Variants in UBE3C observed in about 807,000 individuals in gnomAD.
UBE3C encodes ubiquitin-protein ligase E3C.
In UBE3C, 42 loss-of-function variants were observed where a neutral mutation model predicts 129.4. That is an observed-to-expected ratio of 0.32 (90% CI 0.25 to 0.42). The LOEUF is 0.42. UBE3C is among the 10% of genes least tolerant of loss of function. The pLI is 1.00. For synonymous variants in UBE3C, 510 were observed against 492.4 expected (o/e 1.04, Z -0.47); for missense variants, 1,049 against 1,319.1 (o/e 0.80, Z 3.17).
chr7:157,152,753 G>C (rs530624624), intron 1 of UBE3C, among the ~76,000 whole-genome samples: 1 of 152,210 alleles, frequency 6.6e-6, no homozygotes, highest in East Asian at 1.9e-4. Context: ...TTGTCTTGCC[G>C]GCACATCTTG....
At chr7:157,179,510 T>C (rs1203592999) in intron 6 of UBE3C, among the ~76,000 whole-genome samples, 2 of 152,150 alleles carry the variant, frequency 1.3e-5, no homozygotes, top group East Asian at 1.9e-4. Context: ...AACATGATTT[T>C]TAAAAATTTT....
chr7:157,189,772 T>A (rs1808905444), intron 10 of UBE3C, among the ~76,000 whole-genome samples: 2 of 152,134 alleles, frequency 1.3e-5, no homozygotes, highest in Non-Finnish European at 2.9e-5. Flanking sequence ...TTCTCACTCT[T>A]TCCTAAACTT....
Position 157,184,039 on chromosome 7 carries a change from G to T in UBE3C, c.1143+10G>T. On this transcript the variant is annotated intron_variant, in intron 9 of 22. Transcript: ENST00000348165. ...CAAGCCCTCAAGCCCGGTAAGCCCCGTGCCCTGCATCTGGGGGGCTGCGAT... is the reference window on the plus strand; with the variant it reads ...CAAGCCCTCAAGCCCGGTAAGCCCCTTGCCCTGCATCTGGGGGGCTGCGAT... The T allele has an allele frequency of 6.2e-7, 1 of 1,612,920 alleles. No homozygotes were observed. Among genetic ancestry groups the T allele is most frequent in the Non-Finnish European group, 8.5e-7 (1 of 1,179,222 alleles).
chr7:157,219,931 C>G (rs977508065), intron 14 of UBE3C, among the ~76,000 whole-genome samples: 2 of 151,930 alleles, frequency 1.3e-5, no homozygotes, highest in African/African-American at 4.8e-5. Context: ...CAAGGGCCAG[C>G]CGGGTGTGGT....
intron 1 of UBE3C, among the ~76,000 whole-genome samples, chr7:157,152,340 G>A (rs1475332569): frequency 6.6e-6 from 1 of 152,152 alleles, no homozygotes; most frequent in Non-Finnish European, 1.5e-5. Context: ...GCACATTAAT[G>A]AGACTTAGGT....
chr7:157,240,507 G>C (rs191642579), intron 18 of UBE3C, among the ~76,000 whole-genome samples: 133 of 152,288 alleles, frequency 8.7e-4, no homozygotes, highest in African/African-American at 3.1e-3. Flanking sequence ...CCAGCCGTGT[G>C]GGTTACTTTT....
At chr7:157,173,879 T>C (rs1270355825) in intron 4 of UBE3C, among the ~76,000 whole-genome samples, 1 of 152,180 alleles carries the variant, frequency 6.6e-6, no homozygotes, top group Non-Finnish European at 1.5e-5. Flanking sequence ...TTAACTAATA[T>C]TCGGAGTAGT....
Position 157,205,707 on chromosome 7 carries a change from T to C in UBE3C, c.1419-1691T>C, listed in dbSNP as rs113474621. On this transcript the variant is annotated intron_variant, in intron 11 of 22. Coordinates refer to ENST00000348165, the MANE Select transcript of UBE3C (RefSeq NM_014671.3). ...AATGGCATTCATTCATTGATGAATC[T>C]GTTCAGCATAGTGCTAAATGCAGAG... Among the ~76,000 whole-genome samples the C allele has an allele frequency of 5.0e-3, 763 of 152,368 alleles. 4 individuals are homozygous for C. The highest frequency in any genetic ancestry group is 8.5e-3 in the African/African-American group (355 of 41,586).
At chr7:157,154,724 C>T (rs1279799158) in intron 1 of UBE3C, among the ~76,000 whole-genome samples, 1 of 152,036 alleles carries the variant, frequency 6.6e-6, no homozygotes, top group Non-Finnish European at 1.5e-5. Context: ...TAAATGATTG[C>T]GTTTTGCATT....
intron 6 of UBE3C, 87 bp downstream of exon 6, chr7:157,178,934 T>G: frequency 6.7e-7 from 1 of 1,501,752 alleles, no homozygotes; most frequent in African/African-American, 1.4e-5. Context: ...GCCTGTGCCC[T>G]CAGTCTCAAT....
intron 19 of UBE3C, among the ~76,000 whole-genome samples, chr7:157,249,796 C>G (rs968682181): frequency 5.9e-5 from 9 of 152,186 alleles, no homozygotes; most frequent in Non-Finnish European, 1.2e-4. Flanking sequence ...CATCCACATA[C>G]AGCATACTAA....
At chr7:157,172,747 C>T (rs1808412038) in intron 4 of UBE3C, among the ~76,000 whole-genome samples, 1 of 152,196 alleles carries the variant, frequency 6.6e-6, no homozygotes, top group African/African-American at 2.4e-5. Flanking sequence ...GATAATCGGG[C>T]TTGCTTTCTG....
At chr7:157,139,397 G>GC (rs1807359914) in intron 1 of UBE3C, 59 bp downstream of exon 1, 1 of 1,485,074 alleles carries the variant, frequency 6.7e-7, no homozygotes, top group Non-Finnish European at 8.9e-7. Context: ...GGGGCTCGGG[G>GC]CTGGGACTCG....
At chr7:157,246,852 A>G (rs1478038399) in intron 18 of UBE3C, among the ~76,000 whole-genome samples, 1 of 152,128 alleles carries the variant, frequency 6.6e-6, no homozygotes, top group Non-Finnish European at 1.5e-5. Flanking sequence ...ACCTGGGAAA[A>G]TAGGATCACT....
At chr7:157,189,011 G>A (rs777709717) in intron 10 of UBE3C, 70 of 563,704 alleles carry the variant, frequency 1.2e-4, no homozygotes, top group Non-Finnish European at 2.0e-4. Flanking sequence ...AGACAGATGC[G>A]TACATGAAAA....
chr7:157,200,783 A>G (rs1453843711), intron 10 of UBE3C, among the ~76,000 whole-genome samples: 1 of 151,988 alleles, frequency 6.6e-6, no homozygotes, highest in African/African-American at 2.4e-5. Context: ...TACAGCCACC[A>G]CACCCAACTT....
At chr7:157,185,835 T>A (rs1036255204) in intron 9 of UBE3C, among the ~76,000 whole-genome samples, 1 of 152,188 alleles carries the variant, frequency 6.6e-6, no homozygotes, top group African/African-American at 2.4e-5. Context: ...GTTTGACAGA[T>A]GAATTTACTG....
chr7:157,233,939 G>A (rs1182442), intron 18 of UBE3C, among the ~76,000 whole-genome samples: 78,542 of 152,056 alleles, frequency 0.52, 23,237 homozygotes, highest in Non-Finnish European at 0.66. Context: ...TTTCCCTGGT[G>A]ACTAATAATG....
At chr7:157,203,932 A>G (rs1809358896) in intron 11 of UBE3C, among the ~76,000 whole-genome samples, 1 of 152,216 alleles carries the variant, frequency 6.6e-6, no homozygotes, top group Admixed American at 6.5e-5. Flanking sequence ...CCTACCTAAA[A>G]CGTGCTCAAA....
Sources: gnomAD v4.1 joint callset for allele counts (sites outside exome capture counted in the v4.1 genomes callset) on GRCh38, gnomAD v4.1.1 for gene constraint, MANE v1.5 for transcripts, NCBI Gene and HGNC (gene_info 2026-07-23, HGNC 2026-07-21) for gene names.